Variants in FGF14 observed in about 807,000 individuals in gnomAD.
FGF14 encodes the protein fibroblast growth factor 14.
Under a neutral mutation model 25.5 loss-of-function variants are expected in FGF14, and 5 were observed. The ratio of observed to expected loss-of-function variants is 0.20; its 90% confidence interval spans 0.10 to 0.41. The LOEUF (loss-of-function observed/expected upper bound fraction) is 0.41. Among genes scored for constraint, FGF14 ranks in the 10% least tolerant of loss-of-function variants. The pLI is 1.00. For missense variants in FGF14, 222 were observed against 320.1 expected (o/e 0.69, Z 2.34); for synonymous variants, 138 against 118.3 (o/e 1.17, Z -1.08).
intron 1 of FGF14, among the ~76,000 whole-genome samples, chr13:102,300,623 T>C (rs7331506): frequency 0.035 from 5,339 of 152,210 alleles, 313 homozygotes; most frequent in African/African-American, 0.12. Context: ...GACTATAATT[T>C]ACAACCCCAT....
chr13:102,147,973 G>A (rs1389614676), intron 1 of FGF14, among the ~76,000 whole-genome samples: 1 of 152,180 alleles, frequency 6.6e-6, no homozygotes, highest in African/African-American at 2.4e-5. Context: ...TTTGGCAAAT[G>A]TCCAAAATGT....
At chr13:101,769,094 C>T (rs2038593923) in intron 3 of FGF14, among the ~76,000 whole-genome samples, 1 of 152,002 alleles carries the variant, frequency 6.6e-6, no homozygotes, top group Admixed American at 6.6e-5. Flanking sequence ...ACAAATATCT[C>T]TTAAAGCCCA....
intron 1 of FGF14, among the ~76,000 whole-genome samples, chr13:101,884,732 C>A (rs1314005465): frequency 1.3e-5 from 2 of 151,928 alleles, no homozygotes; most frequent in Non-Finnish European, 2.9e-5. Flanking sequence ...AAGGGAATTG[C>A]TGCTTTGAAA....
At chr13:102,163,498 C>A (rs1267475945) in intron 1 of FGF14, among the ~76,000 whole-genome samples, 1 of 152,068 alleles carries the variant, frequency 6.6e-6, no homozygotes, top group Non-Finnish European at 1.5e-5. Flanking sequence ...CCGTGTAAAC[C>A]CATGAATACG....
Position 102,302,031 on chromosome 13 carries a change from T to C in FGF14, c.208+99440A>G, listed in dbSNP as rs138575832. 3.4e-3 allele frequency among the ~76,000 whole-genome samples: 523 copies of C among 152,234 alleles called. 1 individual carries two copies. Among genetic ancestry groups the C allele is most frequent in the African/African-American group, 0.012 (491 of 41,576 alleles). The stretch of plus-strand genomic sequence containing the variant: ...TTGTCAAAATGTCCACACTTTTAGA[T>C]AGGGCCTCCTCCTCCACCTGTATCC... On this transcript the variant is annotated intron_variant, in intron 1 of 4. Transcript: ENST00000376131.
intron 1 of FGF14, among the ~76,000 whole-genome samples, chr13:102,383,818 G>A (rs537452674): frequency 1.3e-5 from 2 of 152,254 alleles, no homozygotes; most frequent in South Asian, 4.1e-4. Context: ...ATGGGGCCAA[G>A]CGCACTCTCC....
intron 1 of FGF14, among the ~76,000 whole-genome samples, chr13:102,235,362 C>A (rs1371065430): frequency 1.3e-5 from 2 of 151,994 alleles, no homozygotes; most frequent in Non-Finnish European, 2.9e-5. Context: ...TCAATATAAC[C>A]AAATACAATC....
At chr13:102,019,847 G>A (rs888702638) in intron 1 of FGF14, among the ~76,000 whole-genome samples, 8 of 152,248 alleles carry the variant, frequency 5.3e-5, no homozygotes, top group African/African-American at 1.7e-4. Flanking sequence ...AATTGGACTC[G>A]TATTGTTGCC....
intron 1 of FGF14, among the ~76,000 whole-genome samples, chr13:102,356,948 T>TATATAC (rs1262647370): frequency 2.0e-5 from 3 of 148,432 alleles, no homozygotes; most frequent in African/African-American, 2.5e-5. Context: ...TATATATATA[T>TATATAC]ACACACAAAC....
intron 1 of FGF14, among the ~76,000 whole-genome samples, chr13:102,140,043 A>AACCCC (rs1555365006): frequency 1.2e-5 from 1 of 82,456 alleles, no homozygotes; most frequent in Non-Finnish European, 2.4e-5. Context: ...ACTCTTCAAG[A>AACCCC]CCCCCCCCCC....
chr13:101,906,272 A>G (rs2032231509), intron 1 of FGF14, among the ~76,000 whole-genome samples: 3 of 152,188 alleles, frequency 2.0e-5, no homozygotes, highest in Non-Finnish European at 4.4e-5. Context: ...TTATTGAACA[A>G]TCTAAGCCAC....
chr13:101,959,696 T>C (rs2036723635), intron 1 of FGF14, among the ~76,000 whole-genome samples: 1 of 152,208 alleles, frequency 6.6e-6, no homozygotes, highest in Admixed American at 6.5e-5. Flanking sequence ...AGCCTATTAC[T>C]TTCTTCTGAG....
chr13:101,961,206 C>T (rs1365896804), intron 1 of FGF14, among the ~76,000 whole-genome samples: 1 of 152,062 alleles, frequency 6.6e-6, no homozygotes, highest in Non-Finnish European at 1.5e-5. Context: ...TCCCATGTGT[C>T]AATTTTTTGC....
intron 3 of FGF14, among the ~76,000 whole-genome samples, chr13:101,742,373 A>G (rs2036610825): frequency 6.6e-6 from 1 of 152,188 alleles, no homozygotes; most frequent in Admixed American, 6.5e-5. Context: ...AATGAACAAG[A>G]AGAGAAAGTT....
chr13:101,916,587 T>A lies in FGF14; in HGVS notation c.59A>T (p.His20Leu). The change falls in exon 1 of 5, where the codon CAC becomes CTC. Residue 20 changes from histidine to leucine, a missense_variant. His to Leu is a moderately conservative substitution (Grantham distance 99). Around this residue, in one of 5 missense-constraint regions of FGF14, gnomAD observed 80 missense variants for 72.2 expected, o/e 1.11. Transcript: ENST00000376143. ...CCTGCTGGCAGACGGCCGGTCCCAG[T>A]GCTGCTCCCGCGCCTGCCGCTTCTG... is the stretch of plus-strand genomic sequence containing the variant. ...IRQKRQAREQ[H>L]WDRPSASRRR... 4 of 1,600,830 alleles carry A rather than the reference T, an allele frequency of 2.5e-6. No homozygotes were observed. The highest frequency in any genetic ancestry group is 3.4e-6 in the Non-Finnish European group (4 of 1,174,204).
chr13:102,342,922 A>T (rs985004297), intron 1 of FGF14, among the ~76,000 whole-genome samples: 1 of 152,192 alleles, frequency 6.6e-6, no homozygotes, highest in African/African-American at 2.4e-5. Flanking sequence ...GTATTTGAGT[A>T]AGAACTGAAA....
At chr13:101,866,804 G>C (rs1229027644) in intron 3 of FGF14, among the ~76,000 whole-genome samples, 1 of 152,132 alleles carries the variant, frequency 6.6e-6, no homozygotes, top group Non-Finnish European at 1.5e-5. Flanking sequence ...TTTTATCCAA[G>C]TCCTCTTTCC....
chr13:102,122,820 T>G (rs1023987465), intron 1 of FGF14, among the ~76,000 whole-genome samples: 1 of 152,168 alleles, frequency 6.6e-6, no homozygotes, highest in Admixed American at 6.5e-5. Flanking sequence ...ATTAAAGCAT[T>G]TGATCCCCCA....
At chr13:101,817,126 A>G (rs1192121689) in intron 3 of FGF14, among the ~76,000 whole-genome samples, 1 of 152,234 alleles carries the variant, frequency 6.6e-6, no homozygotes, top group Non-Finnish European at 1.5e-5. Context: ...GTAATTTCCA[A>G]AAAGGTACAT....
Sources: gnomAD v4.1 joint callset for allele counts (sites outside exome capture counted in the v4.1 genomes callset) on GRCh38, gnomAD v4.1.1 for gene constraint, gnomAD v4.1.1 regional missense constraint, MANE v1.5 for transcripts, NCBI Gene and HGNC (gene_info 2026-07-23, HGNC 2026-07-21) for gene names.